The following RYR2 variants were observed in gnomAD, a reference collection of about 807,000 sequenced individuals.
RYR2 encodes cardiac muscle ryanodine receptor-calcium release channel.
In RYR2, 227 loss-of-function variants were observed where a neutral mutation model predicts 601.1. That is an observed-to-expected ratio of 0.38 (90% CI 0.34 to 0.42). The LOEUF (loss-of-function observed/expected upper bound fraction) is 0.42. Ranked by LOEUF, RYR2 falls within the 10% of genes least tolerant of loss-of-function variation. The probability of loss-of-function intolerance (pLI) is 1.00; values close to 1 mark genes in which losing one functional copy is unlikely to be tolerated. For synonymous variants in RYR2, 2,223 were observed against 2,175.1 expected (o/e 1.02, Z -0.61); for missense variants, 4,646 against 6,156.5 (o/e 0.75, Z 8.21).
intron 61 of RYR2, among the ~76,000 whole-genome samples, chr1:237,679,881 G>C (rs1048441171): frequency 1.3e-5 from 2 of 152,216 alleles, no homozygotes; most frequent in African/African-American, 4.8e-5. Flanking sequence ...CAGGTGATGT[G>C]AGTGGACAGA....
chr1:237,260,402 A>C (rs776703457), intron 1 of RYR2, among the ~76,000 whole-genome samples: 1 of 152,250 alleles, frequency 6.6e-6, no homozygotes, highest in Non-Finnish European at 1.5e-5. Context: ...CGTTGAAAGC[A>C]CAAAGGAGAA....
intron 2 of RYR2, among the ~76,000 whole-genome samples, chr1:237,283,313 C>A (rs559547720): frequency 9.9e-5 from 15 of 152,062 alleles, no homozygotes; most frequent in African/African-American, 3.6e-4. Flanking sequence ...TTCACTTGAT[C>A]GCTTTTTCTC....
At chr1:237,620,692 C>T (rs1678979654) in intron 38 of RYR2, among the ~76,000 whole-genome samples, 1 of 151,112 alleles carries the variant, frequency 6.6e-6, no homozygotes, top group Admixed American at 6.6e-5. Flanking sequence ...AGAAAATTAC[C>T]AAGGAGATAA....
intron 18 of RYR2, 118 bp from the exon 19 acceptor site, chr1:237,492,833 AAGG>A (rs1198621013): frequency 3.8e-5 from 30 of 793,824 alleles, no homozygotes; most frequent in Admixed American, 5.5e-5. Context: ...GAAAGGAAGG[AAGG>A]AAGGAAGGAA....
intron 55 of RYR2, 121 bp from the exon 56 acceptor site, chr1:237,660,679 TATATTTTTAA>T: frequency 3.9e-6 from 3 of 767,128 alleles, no homozygotes; most frequent in Non-Finnish European, 5.8e-6. Flanking sequence ...CTTTCCTTTT[TATATTTTTAA>T]ATAAGCTATG....
Position 237,248,290 on chromosome 1 carries a change from C to A in RYR2, c.49-22207C>A, listed in dbSNP as rs1340191716. Among the ~76,000 whole-genome samples, 167 of 94,938 alleles carry A rather than the reference C, an allele frequency of 1.8e-3. 12 individuals carry two copies. Among genetic ancestry groups the A allele is most frequent in the African/African-American group, 6.2e-3 (153 of 24,724 alleles). The allele number at this position is 94,938 out of a possible 152,430, so 62.3% of individuals were successfully genotyped here. On this transcript the variant is annotated intron_variant, in intron 1 of 104. Transcript: ENST00000366574. ...CCACCCCCCGCAACCCCGCCCCCCCCCCCCCCCCCAAAAATGATGATGTAT... is the reference window on the plus strand; with the variant it reads ...CCACCCCCCGCAACCCCGCCCCCCCACCCCCCCCCAAAAATGATGATGTAT...
At chr1:237,791,959 G>A (rs1658426388) in intron 93 of RYR2, 146 bp from the exon 94 acceptor site, 6 of 636,754 alleles carry the variant, frequency 9.4e-6, no homozygotes, top group South Asian at 8.3e-5. Flanking sequence ...AAAAGCTATC[G>A]TTTTTAGCCT....
At chr1:237,197,826 G>A (rs1680730966) in intron 1 of RYR2, among the ~76,000 whole-genome samples, 1 of 152,244 alleles carries the variant, frequency 6.6e-6, no homozygotes, top group South Asian at 2.1e-4. Context: ...CATAGCTGGA[G>A]TTTGTGGGCA....
intron 72 of RYR2, among the ~76,000 whole-genome samples, chr1:237,718,129 G>GGCT (rs1331324324): frequency 7.2e-5 from 11 of 152,114 alleles, no homozygotes; most frequent in Non-Finnish European, 1.5e-4. Context: ...GGGCTAAAAT[G>GGCT]ACTTCGTGGA....
At chr1:237,051,332 C>A (rs949796854) in intron 1 of RYR2, among the ~76,000 whole-genome samples, 1 of 146,618 alleles carries the variant, frequency 6.8e-6, no homozygotes, top group Admixed American at 6.8e-5. Flanking sequence ...CTCCCCTCCC[C>A]TCCCCTCCCC....
intron 79 of RYR2, among the ~76,000 whole-genome samples, chr1:237,739,725 CA>C (rs1691450181): frequency 6.6e-6 from 1 of 152,136 alleles, no homozygotes; most frequent in Admixed American, 6.6e-5. Flanking sequence ...CTCTGTTAGT[CA>C]GATTTAAATC....
At chr1:237,225,099 C>A (rs1362440773) in intron 1 of RYR2, among the ~76,000 whole-genome samples, 1 of 152,126 alleles carries the variant, frequency 6.6e-6, no homozygotes, top group East Asian at 1.9e-4. Flanking sequence ...TGGTTGAATT[C>A]TTTCAAGTGG....
intron 103 of RYR2, 128 bp downstream of exon 103, chr1:237,830,758 A>T: frequency 1.8e-6 from 1 of 561,154 alleles, no homozygotes; most frequent in Non-Finnish European, 3.2e-6. Context: ...TTTAAAAGAA[A>T]GTCCAACAGC....
intron 1 of RYR2, among the ~76,000 whole-genome samples, chr1:237,082,926 G>A (rs1446668922): frequency 6.6e-6 from 1 of 152,056 alleles, no homozygotes; most frequent in African/African-American, 2.4e-5. Context: ...TTTAGTTTTT[G>A]TGGAGCAAAG....
chr1:237,804,288 C>T (rs1274479975), intron 98 of RYR2, among the ~76,000 whole-genome samples: 1 of 151,806 alleles, frequency 6.6e-6, no homozygotes, highest in Non-Finnish European at 1.5e-5. Flanking sequence ...ATTTTCCTTC[C>T]CAAGCAAACT....
chr1:237,629,478 A>T (rs1027195506), intron 41 of RYR2, among the ~76,000 whole-genome samples: 4 of 152,116 alleles, frequency 2.6e-5, no homozygotes, highest in African/African-American at 9.6e-5. Context: ...ATACCTAAAC[A>T]TAAAAATGTA....
intron 2 of RYR2, among the ~76,000 whole-genome samples, chr1:237,303,078 C>T (rs148357011): frequency 6.6e-6 from 1 of 152,198 alleles, no homozygotes; most frequent in East Asian, 1.9e-4. Flanking sequence ...TGAGGCTGAC[C>T]TTTCCCTGTT....
chr1:237,491,369 C>T (rs1663318057), intron 17 of RYR2, among the ~76,000 whole-genome samples: 1 of 152,134 alleles, frequency 6.6e-6, no homozygotes, highest in African/African-American at 2.4e-5. Context: ...CTGGCCCTAA[C>T]CCACCTGTCC....
At chr1:237,175,855 T>C (rs774541204) in intron 1 of RYR2, among the ~76,000 whole-genome samples, 3 of 152,224 alleles carry the variant, frequency 2.0e-5, no homozygotes, top group Non-Finnish European at 4.4e-5. Flanking sequence ...GTAAAGCCTA[T>C]AGCAGGTTTA....
Sources: gnomAD v4.1 joint callset for allele counts (sites outside exome capture counted in the v4.1 genomes callset) on GRCh38, gnomAD v4.1.1 for gene constraint, MANE v1.5 for transcripts, NCBI Gene and HGNC (gene_info 2026-07-23, HGNC 2026-07-21) for gene names.